ROBO2: variants seen among roughly 807,000 people sequenced by gnomAD.
ROBO2 encodes roundabout homolog 2.
In ROBO2, 53 loss-of-function variants were observed where a neutral mutation model predicts 160.8. That is an observed-to-expected ratio of 0.33 (90% CI 0.26 to 0.41). ROBO2 has a LOEUF of 0.41. Among genes scored for constraint, ROBO2 ranks in the 10% least tolerant of loss-of-function variants. The pLI is 1.00. For missense variants in ROBO2, 1,577 were observed against 1,722.4 expected (o/e 0.92, Z 1.49); for synonymous variants, 664 against 611.7 (o/e 1.09, Z -1.26).
At chr3:77,355,557 A>G (rs1041745387) in intron 2 of ROBO2, among the ~76,000 whole-genome samples, 5 of 152,140 alleles carry the variant, frequency 3.3e-5, no homozygotes, top group Admixed American at 3.3e-4. Context: ...GGATTCAGGA[A>G]ATATGGTGAA....
intron 2 of ROBO2, among the ~76,000 whole-genome samples, chr3:77,419,880 C>T (rs2077561666): frequency 6.6e-6 from 1 of 151,952 alleles, no homozygotes; most frequent in African/African-American, 2.4e-5. Context: ...CAAGTATGAC[C>T]ACCATAGTGT....
chr3:76,910,345 CTTCT>C (rs1459805675), intron 2 of ROBO2, among the ~76,000 whole-genome samples: 1 of 151,702 alleles, frequency 6.6e-6, no homozygotes, highest in East Asian at 1.9e-4. Context: ...TATTCAAATT[CTTCT>C]TTTTTTTTAT....
At chr3:77,353,456 T>G (rs1182268596) in intron 2 of ROBO2, among the ~76,000 whole-genome samples, 1 of 152,192 alleles carries the variant, frequency 6.6e-6, no homozygotes, top group Non-Finnish European at 1.5e-5. Flanking sequence ...GTTCAAAGGA[T>G]AAACGTACTT....
chr3:77,271,275 A>G (rs1204766095), intron 2 of ROBO2, among the ~76,000 whole-genome samples: 1 of 152,172 alleles, frequency 6.6e-6, no homozygotes, highest in African/African-American at 2.4e-5. Flanking sequence ...AGGATTTTTC[A>G]TGTTTTTCTA....
chr3:76,408,785 G>T (rs1473966307), intron 2 of ROBO2, among the ~76,000 whole-genome samples: 4 of 151,980 alleles, frequency 2.6e-5, no homozygotes, highest in Admixed American at 6.6e-5. Flanking sequence ...AAATTTGGTG[G>T]TTACAGAATA....
chr3:77,034,834 C>A (rs769841579), intron 2 of ROBO2, among the ~76,000 whole-genome samples: 1 of 151,804 alleles, frequency 6.6e-6, no homozygotes, highest in African/African-American at 2.4e-5. Context: ...AATTCCAGAT[C>A]GGAGCAGATG....
rs1279042006 is a variant in ROBO2, at chr3:75,937,871, A to G, written c.109+269A>G. ...TATATATATATATATATATATATAT[A>G]TATGAGGTATTATGAGGCTATGTGT... On this transcript the variant is annotated intron_variant, in intron 2 of 26. Transcript: ENST00000487694. 1.9e-4 allele frequency among the ~76,000 whole-genome samples: 25 copies of G among 129,560 alleles called. No homozygotes were observed. In the South Asian group the frequency reaches 6.6e-3, roughly 34 times the overall value. 85.0% of individuals were successfully genotyped at this position (129,560 alleles called of 152,430 possible).
intron 2 of ROBO2, among the ~76,000 whole-genome samples, chr3:76,375,536 G>A (rs564730665): frequency 7.6e-4 from 115 of 152,076 alleles, no homozygotes; most frequent in African/African-American, 2.7e-3. Context: ...GCCTGGAAAA[G>A]AAAGCCTACA....
chr3:76,838,580 C>A (rs1384604292), intron 2 of ROBO2, among the ~76,000 whole-genome samples: 3 of 151,940 alleles, frequency 2.0e-5, no homozygotes, highest in Non-Finnish European at 4.4e-5. Context: ...CCTTTCAGCT[C>A]CTCTCAAAAT....
intron 2 of ROBO2, among the ~76,000 whole-genome samples, chr3:76,146,923 C>T (rs1268035055): frequency 6.7e-6 from 1 of 149,630 alleles, no homozygotes; most frequent in Non-Finnish European, 1.5e-5. Context: ...CACACACAAA[C>T]ACATATACCC....
chr3:76,742,240 G>C (rs147493901), intron 2 of ROBO2, among the ~76,000 whole-genome samples: 406 of 152,172 alleles, frequency 2.7e-3, no homozygotes, highest in African/African-American at 9.5e-3. Context: ...TTGTAGAACT[G>C]CCTATACCCT....
intron 2 of ROBO2, among the ~76,000 whole-genome samples, chr3:76,743,433 A>G (rs1266580819): frequency 6.6e-6 from 1 of 152,166 alleles, no homozygotes; most frequent in Non-Finnish European, 1.5e-5. Context: ...ACAAACCTGT[A>G]CATGTACATC....
intron 5 of ROBO2, among the ~76,000 whole-genome samples, chr3:77,497,280 A>C (rs2086914814): frequency 6.6e-6 from 1 of 152,142 alleles, no homozygotes; most frequent in South Asian, 2.1e-4. Context: ...AGGGACAAAA[A>C]TTTCATAACA....
chr3:76,259,201 T>A (rs1706586785), intron 2 of ROBO2, among the ~76,000 whole-genome samples: 1 of 152,056 alleles, frequency 6.6e-6, no homozygotes, highest in African/African-American at 2.4e-5. Context: ...TCAGGAAAAA[T>A]AGGAGAGAAA....
intron 2 of ROBO2, among the ~76,000 whole-genome samples, chr3:76,176,972 C>T (rs2073254659): frequency 6.6e-6 from 1 of 152,044 alleles, no homozygotes; most frequent in African/African-American, 2.4e-5. Flanking sequence ...GCTTTATTCT[C>T]TGTACTTTAT....
chr3:76,479,655 G>A (rs1001523859), intron 2 of ROBO2, among the ~76,000 whole-genome samples: 2 of 152,066 alleles, frequency 1.3e-5, no homozygotes, highest in South Asian at 4.1e-4. Context: ...TTACAACTGA[G>A]GAAAAATTTT....
At chr3:77,207,085 G>C (rs2083536967) in intron 2 of ROBO2, among the ~76,000 whole-genome samples, 1 of 152,000 alleles carries the variant, frequency 6.6e-6, no homozygotes, top group Admixed American at 6.6e-5. Flanking sequence ...ATGCAAATAT[G>C]GGCATAATAT....
At chr3:77,640,599 A>C (rs953903658) in intron 24 of ROBO2, among the ~76,000 whole-genome samples, 1 of 152,184 alleles carries the variant, frequency 6.6e-6, no homozygotes, top group Non-Finnish European at 1.5e-5. Flanking sequence ...TAAAAACAGA[A>C]GGTAATAATG....
chr3:76,115,845 T>C (rs1255548541), intron 2 of ROBO2, among the ~76,000 whole-genome samples: 1 of 152,092 alleles, frequency 6.6e-6, no homozygotes, highest in East Asian at 1.9e-4. Context: ...CCAATCTCTT[T>C]GAGGTTCCCC....
Sources: gnomAD v4.1 joint callset for allele counts (sites outside exome capture counted in the v4.1 genomes callset) on GRCh38, gnomAD v4.1.1 for gene constraint, MANE v1.5 for transcripts, NCBI Gene and HGNC (gene_info 2026-07-23, HGNC 2026-07-21) for gene names.